Variants in UBE2D2 observed in about 807,000 individuals in gnomAD.
The protein encoded by UBE2D2 is ubiquitin conjugating enzyme E2 D2.
A neutral mutation model predicts 24.2 loss-of-function variants in UBE2D2; 2 were observed. That is an observed-to-expected ratio of 0.08 (90% CI 0.03 to 0.26). The LOEUF (loss-of-function observed/expected upper bound fraction) is 0.26, where lower values mean the gene tolerates loss of function less well. Ranked by LOEUF, UBE2D2 falls within the 10% of genes least tolerant of loss-of-function variation. The pLI is 1.00. For missense variants in UBE2D2, 44 were observed against 177.6 expected, an observed-to-expected ratio of 0.25 and a Z score of 4.28; for synonymous variants, 58 against 56.5, an observed-to-expected ratio of 1.03 and a Z score of -0.12.
chr5:139,554,628 T>TA (rs1269591640), intron 1 of UBE2D2, among the ~76,000 whole-genome samples: 1 of 152,248 alleles, frequency 6.6e-6, no homozygotes, highest in East Asian at 1.9e-4. Context: ...AAAAGGCTGC[T>TA]ATAAATATTT....
chr5:139,588,906 G>A (rs770821216), intron 1 of UBE2D2, among the ~76,000 whole-genome samples: 13 of 152,020 alleles, frequency 8.6e-5, no homozygotes, highest in African/African-American at 3.1e-4. Context: ...TAGTTCCAGC[G>A]ACTCAGCCTC....
Position 139,542,056 on chromosome 5 carries a change from G to A in UBE2D2, c.-64+15444G>A, listed in dbSNP as rs189312959. Among the ~76,000 whole-genome samples, 30 of 151,882 alleles carry A rather than the reference G, an allele frequency of 2.0e-4. No individual in the cohort carries two copies. In the East Asian group the frequency reaches 4.9e-3, roughly 25 times the overall value. On this transcript the variant is annotated intron_variant, in intron 1 of 6. Transcript: ENST00000511725. Reference sequence around the variant, plus strand: ...ACAAAAAGTAGCCGGGCATGGTGGCGTGCACCTGTAATCCCAGCTACTCAG... The same window carrying A: ...ACAAAAAGTAGCCGGGCATGGTGGCATGCACCTGTAATCCCAGCTACTCAG...
At chr5:139,603,803 A>C (rs1459204071) in intron 2 of UBE2D2, among the ~76,000 whole-genome samples, 1 of 151,618 alleles carries the variant, frequency 6.6e-6, no homozygotes, top group Non-Finnish European at 1.5e-5. Context: ...ACAAGAAATT[A>C]GCCAGGTGTG....
upstream of UBE2D2, among the ~76,000 whole-genome samples, chr5:139,559,211 G>A (rs1417058785): frequency 6.6e-6 from 1 of 152,090 alleles, no homozygotes; most frequent in Non-Finnish European, 1.5e-5. Context: ...CGGATCACGA[G>A]GTCAGGAGAT....
intron 1 of UBE2D2, among the ~76,000 whole-genome samples, chr5:139,572,812 G>A (rs1753382038): frequency 6.6e-6 from 1 of 151,692 alleles, no homozygotes; most frequent in Non-Finnish European, 1.5e-5. Flanking sequence ...CACCGTGCCT[G>A]GCTGATTTTT....
chr5:139,565,673 T>G (rs1753200208), intron 1 of UBE2D2, among the ~76,000 whole-genome samples: 1 of 152,146 alleles, frequency 6.6e-6, no homozygotes, highest in African/African-American at 2.4e-5. Flanking sequence ...CTGTGAACTG[T>G]GTGGTTTCCT....
intron 1 of UBE2D2, among the ~76,000 whole-genome samples, chr5:139,567,342 C>T (rs533369875): frequency 4.6e-5 from 7 of 151,958 alleles, no homozygotes; most frequent in South Asian, 4.2e-4. Flanking sequence ...TTGTGATCCA[C>T]CTGCTTCGGC....
rs182229746 is a variant in UBE2D2, at chr5:139,533,040, G to A, written c.-64+6428G>A. 2.0e-3 allele frequency among the ~76,000 whole-genome samples: 307 copies of A among 151,720 alleles called. 1 individual carries two copies. Among genetic ancestry groups the A allele is most frequent in the African/African-American group, 7.1e-3 (296 of 41,400 alleles). ...GGAGAATCACTTGAACCCGGGAGGCGGAGGTTGCAGTAAGCTGAGATCGCG... is the reference window on the plus strand; with the variant it reads ...GGAGAATCACTTGAACCCGGGAGGCAGAGGTTGCAGTAAGCTGAGATCGCG... On this transcript the variant is annotated intron_variant, in intron 1 of 6. Transcript: ENST00000511725.
In UBE2D2 at chr5:139,561,614, G is replaced by T; in HGVS notation, c.-178G>T. Reference sequence around the variant, plus strand: ...GGTGATGCGGTGACCGCTGCGGCAGGCCCAGGAGCTGAGTGGGCCCCGGCC... The same window carrying T: ...GGTGATGCGGTGACCGCTGCGGCAGTCCCAGGAGCTGAGTGGGCCCCGGCC... On this transcript the variant is annotated 5_prime_UTR_variant, in exon 1 of 7. Transcript: ENST00000398733. 2.1e-6 allele frequency: 1 copy of T among 468,288 alleles called. No individual in the cohort carries two copies. Among genetic ancestry groups the T allele is most frequent in the South Asian group, 4.0e-5 (1 of 24,898 alleles). 29.0% of individuals were successfully genotyped at this position (468,288 alleles called of 1,614,324 possible). A position where few individuals can be genotyped will look rare whatever the true frequency, so the allele number is the denominator to read the frequency against.
chr5:139,549,374 C>T lies in UBE2D2; in HGVS notation c.-64+22762C>T, dbSNP rs865974561. 5.9e-5 allele frequency among the ~76,000 whole-genome samples: 9 copies of T among 152,286 alleles called. No homozygotes were observed. In the South Asian group the frequency reaches 1.2e-3, roughly 21 times the overall value. On this transcript the variant is annotated intron_variant, in intron 1 of 6. Transcript: ENST00000511725. ...GGCCCAGGCAGGAACTGGGGCTGCG[C>T]GCATGGCACTCGAGGGCCAGCGCGA...
intron 1 of UBE2D2, among the ~76,000 whole-genome samples, chr5:139,567,172 T>C (rs1426901624): frequency 6.6e-6 from 1 of 152,164 alleles, no homozygotes; most frequent in Non-Finnish European, 1.5e-5. Context: ...TGATCTCGGC[T>C]CACTGCAACC....
intron 5 of UBE2D2, among the ~76,000 whole-genome samples, chr5:139,617,867 G>C (rs961504753): frequency 2.0e-5 from 3 of 152,066 alleles, no homozygotes; most frequent in Non-Finnish European, 2.9e-5. Context: ...TTCCTTGTAA[G>C]TACTCCAAAA....
At chr5:139,615,105 C>A in intron 5 of UBE2D2, 139 bp downstream of exon 5, 1 of 878,218 alleles carries the variant, frequency 1.1e-6, no homozygotes, top group Non-Finnish European at 1.7e-6. Context: ...ACCTTGAGAA[C>A]TGAAAACGAG....
At chr5:139,546,807 C>CTTCTTTCTTTCTTTCTTTCTTTCT (rs1405538149) in intron 1 of UBE2D2, among the ~76,000 whole-genome samples, 1 of 141,836 alleles carries the variant, frequency 7.1e-6, no homozygotes, top group Non-Finnish European at 1.5e-5. Context: ...TTCTTTCTTT[C>CTTCTTTCTTTCTTTCTTTCTTTCT]TTCTTTCTTT....
intron 2 of UBE2D2, among the ~76,000 whole-genome samples, chr5:139,601,535 G>A (rs1004236097): frequency 5.3e-5 from 8 of 152,182 alleles, no homozygotes; most frequent in South Asian, 4.1e-4. Flanking sequence ...TTTAGCCTGA[G>A]CCTGGGTAGC....
intron 1 of UBE2D2, among the ~76,000 whole-genome samples, chr5:139,592,728 G>A (rs944302049): frequency 1.3e-5 from 2 of 148,410 alleles, no homozygotes; most frequent in Non-Finnish European, 3.0e-5. Flanking sequence ...TCAGCCTCCC[G>A]AGTAGCTGGG....
intron 1 of UBE2D2, among the ~76,000 whole-genome samples, chr5:139,534,233 G>T (rs1285220651): frequency 6.6e-6 from 1 of 151,408 alleles, no homozygotes; most frequent in African/African-American, 2.4e-5. Context: ...AGGAGTTCGA[G>T]ACCAGCCTGA....
At chr5:139,600,493 G>C (rs976861602) in intron 2 of UBE2D2, 58 bp downstream of exon 2, 1 of 1,573,694 alleles carries the variant, frequency 6.4e-7, no homozygotes, top group African/African-American at 1.3e-5. Context: ...TTTGTGTGAA[G>C]AAACAATTAT....
rs571037398 is a variant in UBE2D2 at position 139,602,137 on chromosome 5, C to T, written c.88+1702C>T. Among the ~76,000 whole-genome samples, 11 of 152,086 alleles carry T rather than the reference C, an allele frequency of 7.2e-5. No individual in the cohort carries two copies. The East Asian group carries it at 1.4e-3, about 19-fold the overall frequency. On this transcript the variant is annotated intron_variant, in intron 2 of 6. Transcript: ENST00000398733. ...CGTGACCTCGGCTCACTGCAAGCTC[C>T]GCCTCCTGGGTTCATGCCATTCTCC...
Sources: allele counts gnomAD v4.1 joint callset (sites outside exome capture counted in the v4.1 genomes callset), GRCh38; gene constraint gnomAD v4.1.1; transcripts MANE v1.5; gene names NCBI Gene and HGNC (gene_info 2026-07-23, HGNC 2026-07-21).